The following TJP1 variants were observed in gnomAD, a reference collection of about 807,000 sequenced individuals.
TJP1 encodes tight junction protein ZO-1.
TJP1 carries 43 observed loss-of-function variants against 194.2 expected under a neutral mutation model. That is an observed-to-expected ratio of 0.22 (90% CI 0.17 to 0.29). The LOEUF (loss-of-function observed/expected upper bound fraction) is 0.29. Ranked by LOEUF, TJP1 falls within the 10% of genes least tolerant of loss-of-function variation. The pLI, the probability that TJP1 is intolerant of heterozygous loss-of-function variation, is 1.00. For synonymous variants in TJP1, 801 were observed against 779.0 expected, an observed-to-expected ratio of 1.03 and a Z score of -0.47; for missense variants, 1,971 against 2,185.7, an observed-to-expected ratio of 0.90 and a Z score of 1.96.
chr15:29,875,552 G>A (rs2052667424), intron 2 of TJP1, among the ~76,000 whole-genome samples: 1 of 152,064 alleles, frequency 6.6e-6, no homozygotes, highest in South Asian at 2.1e-4. Flanking sequence ...GTGGGTTTTG[G>A]TTCTTCATAT....
chr15:29,728,019 T>G lies in TJP1; in HGVS notation c.2018A>C (p.Lys673Thr), dbSNP rs763325497. The G allele has an allele frequency of 6.2e-7, 1 of 1,613,904 alleles. No individual in the cohort carries two copies. The highest frequency in any genetic ancestry group is 1.1e-5 in the South Asian group (1 of 91,080). The change falls in exon 16 of 28, where the codon AAG (lysine) becomes ACG (threonine). Residue 673 changes from lysine to threonine, a missense_variant and splice_region_variant. By Grantham distance (78) the Lys-to-Thr change is moderately conservative. Coordinates refer to ENST00000614355, the MANE Select transcript of TJP1 (RefSeq NM_001330239.4). ...REEPDIYQIA[K>T]SEPRDAGTDQ... is the part of the protein sequence containing the mutation. ...AGTTCCAGCGTCTCGTGGTTCACTC[T>G]CTATTCATTATGTCAGGACAAAAAT...
intron 2 of TJP1, among the ~76,000 whole-genome samples, chr15:29,943,231 T>G (rs1272117370): frequency 6.6e-6 from 1 of 152,196 alleles, no homozygotes; most frequent in Non-Finnish European, 1.5e-5. Flanking sequence ...AAACATGCAT[T>G]CAGTCAAATC....
intron 2 of TJP1, among the ~76,000 whole-genome samples, chr15:29,915,999 C>T (rs2054170939): frequency 1.3e-5 from 2 of 152,162 alleles, no homozygotes; most frequent in Admixed American, 6.5e-5. Context: ...GTTATAAAAA[C>T]ATTACTAGGC....
At chr15:29,849,440 T>TAAAAAA (rs79680348) in intron 2 of TJP1, among the ~76,000 whole-genome samples, 1 of 138,518 alleles carries the variant, frequency 7.2e-6, no homozygotes, top group Non-Finnish European at 1.6e-5. Flanking sequence ...AAATTTTATT[T>TAAAAAA]AAAAAAAAAA....
At chr15:29,794,608 C>T (rs774308373) in intron 2 of TJP1, among the ~76,000 whole-genome samples, 1 of 152,112 alleles carries the variant, frequency 6.6e-6, no homozygotes, top group African/African-American at 2.4e-5. Context: ...AGGTCTGTGG[C>T]AAATACATTT....
intron 2 of TJP1, among the ~76,000 whole-genome samples, chr15:29,850,033 G>T (rs1244792793): frequency 6.6e-6 from 1 of 152,188 alleles, no homozygotes; most frequent in African/African-American, 2.4e-5. Flanking sequence ...GCAGCACCCT[G>T]GAGTGGTCTA....
rs2041527585 is a variant in TJP1 at position 29,701,344 on chromosome 15, T to G, written c.*251A>C. The stretch of plus-strand genomic sequence containing the variant: ...AGTGACGATAAAAAAATTACAAAAA[T>G]CACAAAGCAAAATATCTTTGAACCT... On this transcript the variant is annotated 3_prime_UTR_variant, in exon 28 of 28. Transcript: ENST00000614355. 1 of 375,202 alleles carries G rather than the reference T, an allele frequency of 2.7e-6. No homozygotes were observed. The highest frequency in any genetic ancestry group is 4.8e-6 in the Non-Finnish European group (1 of 208,190). The allele number at this position is 375,202 out of a possible 1,614,324, so 23.2% of individuals were successfully genotyped here.
At chr15:29,911,806 TG>T (rs1438453800) in intron 2 of TJP1, among the ~76,000 whole-genome samples, 6 of 152,330 alleles carry the variant, frequency 3.9e-5, no homozygotes, top group Admixed American at 3.3e-4. Flanking sequence ...TAATTATTTT[TG>T]TTAAGCATGC....
At chr15:29,944,756 TTC>T (rs1159292887) in intron 2 of TJP1, among the ~76,000 whole-genome samples, 1 of 152,214 alleles carries the variant, frequency 6.6e-6, no homozygotes, top group Non-Finnish European at 1.5e-5. Flanking sequence ...TCATTATGAA[TTC>T]TCTCTACTGG....
intron 2 of TJP1, among the ~76,000 whole-genome samples, chr15:29,837,027 C>T (rs770811766): frequency 1.3e-5 from 2 of 152,202 alleles, no homozygotes; most frequent in Non-Finnish European, 2.9e-5. Context: ...GCTATAGCAA[C>T]ACAAATGGAC....
intron 8 of TJP1, among the ~76,000 whole-genome samples, chr15:29,748,976 T>G (rs1442047465): frequency 1.4e-5 from 2 of 147,024 alleles, no homozygotes; most frequent in African/African-American, 5.0e-5. Flanking sequence ...GCGCGCGCGT[T>G]TGCTATTATG....
At position 29,801,939 on chromosome 15, in the gene TJP1, G is replaced by A. The variant is rs114449278; in HGVS notation, c.28-1237C>T. 5.2e-3 allele frequency among the ~76,000 whole-genome samples: 794 copies of A among 151,974 alleles called. 5 individuals are homozygous for A. Among genetic ancestry groups the A allele is most frequent in the African/African-American group, 0.018 (757 of 41,440 alleles). On this transcript the variant is annotated intron_variant, in intron 1 of 27. Transcript: ENST00000614355. Reference sequence around the variant, plus strand: ...CTCATAATGTTGTAAGAAAATTTACGAATTTGTGTTGGGCCGCATGCGACC... The same window carrying A: ...CTCATAATGTTGTAAGAAAATTTACAAATTTGTGTTGGGCCGCATGCGACC...
chr15:29,942,904 TGAATAC>T (rs1260408773), intron 2 of TJP1, among the ~76,000 whole-genome samples: 1 of 152,194 alleles, frequency 6.6e-6, no homozygotes, highest in African/African-American at 2.4e-5. Context: ...TTTTTTTAAG[TGAATAC>T]TCTCTGTATT....
chr15:29,953,528 T>C (rs1440767486), intron 2 of TJP1, among the ~76,000 whole-genome samples: 1 of 152,182 alleles, frequency 6.6e-6, no homozygotes, highest in Non-Finnish European at 1.5e-5. Context: ...ATTTTGGGTA[T>C]TACAGTATTA....
chr15:29,717,707 C>A (rs749918042), intron 22 of TJP1, among the ~76,000 whole-genome samples: 2 of 152,122 alleles, frequency 1.3e-5, no homozygotes, highest in Non-Finnish European at 2.9e-5. Context: ...GTTCACATGT[C>A]GAAAAGCACT....
rs755775064 is a variant in TJP1 at position 29,761,710 on chromosome 15, C to T, written c.753G>A (p.Arg251=). The change falls in exon 7 of 28, where the codon AGG becomes AGA. Residue 251 remains arginine (R), a synonymous_variant. Coordinates refer to ENST00000614355, the MANE Select transcript of TJP1 (RefSeq NM_001330239.4). The part of the protein sequence containing the change: ...SLTDAKTLIE[R]SKGKLKMVVQ... ...CTACCATTTTTAATTTGCCTTTAGA[C>T]CTTTCTATCAATGTCTTTGCATCTG... 1.2e-6 allele frequency: 2 copies of T among 1,604,190 alleles called. No homozygotes were observed. The highest frequency in any genetic ancestry group is 1.1e-5 in the South Asian group (1 of 90,356).
At chr15:29,881,105 G>C (rs1320169882) in intron 2 of TJP1, among the ~76,000 whole-genome samples, 1 of 152,036 alleles carries the variant, frequency 6.6e-6, no homozygotes, top group Non-Finnish European at 1.5e-5. Context: ...TCCAACACTT[G>C]TCTTTTGTGG....
chr15:29,848,557 G>A (rs2051508834), intron 2 of TJP1, among the ~76,000 whole-genome samples: 1 of 152,150 alleles, frequency 6.6e-6, no homozygotes, highest in East Asian at 1.9e-4. Flanking sequence ...AAAACTTTCA[G>A]TATAGATAAT....
At chr15:29,920,082 A>T (rs368202519) in intron 2 of TJP1, among the ~76,000 whole-genome samples, 2 of 152,172 alleles carry the variant, frequency 1.3e-5, no homozygotes. Flanking sequence ...AACAGGTACC[A>T]CCATCATGCA....
Sources: allele counts gnomAD v4.1 joint callset (sites outside exome capture counted in the v4.1 genomes callset), GRCh38; gene constraint gnomAD v4.1.1; transcripts MANE v1.5; gene names NCBI Gene and HGNC (gene_info 2026-07-23, HGNC 2026-07-21).